LDAH: variants seen among roughly 807,000 people sequenced by gnomAD.
The protein encoded by LDAH is lipid droplet-associated hydrolase.
In LDAH, 26 loss-of-function variants were observed where a neutral mutation model predicts 29.6. That is an observed-to-expected ratio of 0.88 (90% CI 0.64 to 1.22). The LOEUF is 1.22. LDAH is among the 50% of genes most tolerant of loss of function. LDAH has a pLI of 0.00. For synonymous variants in LDAH, 117 were observed against 133.0 expected (o/e 0.88, Z 0.83); for missense variants, 344 against 387.3 (o/e 0.89, Z 0.94).
At chr2:20,811,720 G>A (rs1558502585) in intron 1 of LDAH, among the ~76,000 whole-genome samples, 1 of 152,070 alleles carries the variant, frequency 6.6e-6, no homozygotes, top group African/African-American at 2.4e-5. Flanking sequence ...TCCTGACCTC[G>A]TGATCCACCC....
intron 5 of LDAH, among the ~76,000 whole-genome samples, chr2:20,732,895 G>T (rs973520050): frequency 1.0e-5 from 1 of 100,458 alleles, no homozygotes; most frequent in African/African-American, 3.1e-5. Flanking sequence ...TAGAGACAGG[G>T]TCTCACTATG....
At chr2:20,764,405 A>G (rs1668890716) in intron 4 of LDAH, among the ~76,000 whole-genome samples, 1 of 152,216 alleles carries the variant, frequency 6.6e-6, no homozygotes, top group South Asian at 2.1e-4. Context: ...GTAACTGTCA[A>G]ACTACTATGC....
At chr2:20,746,136 A>AAT (rs1667554388) in intron 4 of LDAH, among the ~76,000 whole-genome samples, 1 of 152,246 alleles carries the variant, frequency 6.6e-6, no homozygotes, top group South Asian at 2.1e-4. Context: ...TGATTTAAAG[A>AAT]ATATAAATGA....
At position 20,684,830 on chromosome 2, in the gene LDAH, C is replaced by T. The variant is rs1180042004; in HGVS notation, c.*2073G>A. The T allele has an allele frequency of 6.5e-7, 1 of 1,531,698 alleles. No individual in the cohort carries two copies. Among genetic ancestry groups the T allele is most frequent in the East Asian group, 2.5e-5 (1 of 40,364 alleles). The allele number at this position is 1,531,698 out of a possible 1,614,324, so 94.9% of individuals were successfully genotyped here. ...CTGGGACATACAGGCAGAGCTGCTT[C>T]TGGAAAATGGATTTCTTCCACTGTT... On this transcript the variant is annotated 3_prime_UTR_variant, in exon 7 of 7. Transcript: ENST00000237822.
chr2:20,751,103 C>T (rs915711583), intron 4 of LDAH, among the ~76,000 whole-genome samples: 1 of 152,172 alleles, frequency 6.6e-6, no homozygotes, highest in African/African-American at 2.4e-5. Flanking sequence ...GCAATATTCC[C>T]GTTTGACAAA....
intron 1 of LDAH, 76 bp downstream of exon 1, chr2:20,822,961 G>T (rs1007872650): frequency 6.6e-6 from 1 of 152,388 alleles, no homozygotes; most frequent in East Asian, 1.9e-4. Flanking sequence ...GAGAAGAAGG[G>T]GCGCCAGATC....
chr2:20,731,385 C>T (rs908869914), intron 5 of LDAH, among the ~76,000 whole-genome samples: 1 of 152,194 alleles, frequency 6.6e-6, no homozygotes, highest in Non-Finnish European at 1.5e-5. Context: ...CCATGTTAGA[C>T]GCCTGCTCCC....
intron 1 of LDAH, among the ~76,000 whole-genome samples, chr2:20,811,742 C>T (rs1672518951): frequency 6.6e-6 from 1 of 152,116 alleles, no homozygotes; most frequent in Non-Finnish European, 1.5e-5. Context: ...TCTCGGCCTC[C>T]CAAAGTGCTG....
Position 20,739,822 on chromosome 2 carries a change from TTTTA to T in LDAH, c.703+145_703+148del, listed in dbSNP as rs1383993585. On this transcript the variant is annotated intron_variant, in intron 5 of 6. Coordinates refer to ENST00000237822, the MANE Select transcript of LDAH (RefSeq NM_021925.4). The stretch of plus-strand genomic sequence containing the variant: ...ATGAAAAAATTCATTCTATTTCTAA[TTTTA>T]TTTATTTCTAGTTTTAAACTTTTGG... The T allele has an allele frequency of 5.0e-6, 3 of 599,670 alleles. No homozygotes were observed. The African/African-American group carries it at 5.6e-5, about 11-fold the overall frequency. The allele number at this position is 599,670 out of a possible 1,614,324, so 37.1% of individuals were successfully genotyped here. A position where few individuals can be genotyped will look rare whatever the true frequency, so the allele number is the denominator to read the frequency against.
chr2:20,748,560 C>T (rs1306081702), intron 4 of LDAH, among the ~76,000 whole-genome samples: 1 of 152,190 alleles, frequency 6.6e-6, no homozygotes. Context: ...GATTTAGAAT[C>T]ACTGACAGCT....
At chr2:20,717,878 C>A (rs1161061673) in intron 5 of LDAH, among the ~76,000 whole-genome samples, 1 of 152,162 alleles carries the variant, frequency 6.6e-6, no homozygotes, top group Admixed American at 6.5e-5. Flanking sequence ...CCTTGACCTG[C>A]TGGGCTCTAG....
chr2:20,694,666 C>T (rs1457522096), intron 6 of LDAH, among the ~76,000 whole-genome samples: 1 of 152,204 alleles, frequency 6.6e-6, no homozygotes, highest in Admixed American at 6.5e-5. Context: ...GCTTCCCGCC[C>T]GTGAACCCTG....
intron 5 of LDAH, among the ~76,000 whole-genome samples, chr2:20,710,825 T>TTG (rs1373195120): frequency 6.6e-6 from 1 of 151,458 alleles, no homozygotes; most frequent in African/African-American, 2.4e-5. Context: ...AAAAGACAGT[T>TTG]TGTGGTAAGC....
intron 2 of LDAH, among the ~76,000 whole-genome samples, chr2:20,800,639 T>TTTTTTG (rs1558491335): frequency 3.3e-5 from 5 of 151,170 alleles, no homozygotes; most frequent in Admixed American, 6.6e-5. Context: ...TTTATTTTTT[T>TTTTTTG]AAATATTTTT....
intron 4 of LDAH, among the ~76,000 whole-genome samples, chr2:20,769,317 A>G (rs1669253022): frequency 6.6e-6 from 1 of 152,188 alleles, no homozygotes; most frequent in Admixed American, 6.5e-5. Context: ...GTACTGCCTC[A>G]TTTTGCCTTC....
At chr2:20,722,621 T>C (rs951979003) in intron 5 of LDAH, among the ~76,000 whole-genome samples, 11 of 152,102 alleles carry the variant, frequency 7.2e-5, no homozygotes, top group Middle Eastern at 3.2e-3. Context: ...CAAAGATAAA[T>C]ATTTGAAGAG....
chr2:20,762,253 G>A (rs1668738107), intron 4 of LDAH, among the ~76,000 whole-genome samples: 1 of 151,590 alleles, frequency 6.6e-6, no homozygotes, highest in Admixed American at 6.6e-5. Context: ...ATCTTTGTCT[G>A]TTTTCTTAAT....
chr2:20,685,752 G>T lies in LDAH; in HGVS notation c.*1151C>A, dbSNP rs1662514948. The T allele has an allele frequency of 7.0e-7, 1 of 1,431,766 alleles. No homozygotes were observed. Among genetic ancestry groups the T allele is most frequent in the Non-Finnish European group, 9.3e-7 (1 of 1,072,150 alleles). 88.7% of individuals were successfully genotyped at this position (1,431,766 alleles called of 1,614,324 possible). ...TCAATTTAGGGGAGGCAGCAATATT[G>T]TCAGCCCACTCTAGGCCAGGGAATA... On this transcript the variant is annotated 3_prime_UTR_variant, in exon 7 of 7. Transcript: ENST00000237822.
intron 4 of LDAH, among the ~76,000 whole-genome samples, chr2:20,749,529 A>G (rs1667809850): frequency 6.6e-6 from 1 of 152,200 alleles, no homozygotes; most frequent in Non-Finnish European, 1.5e-5. Context: ...CCATAGCCAG[A>G]GGCATGTATA....
Sources: gnomAD v4.1 joint callset for allele counts (sites outside exome capture counted in the v4.1 genomes callset) on GRCh38, gnomAD v4.1.1 for gene constraint, MANE v1.5 for transcripts, NCBI Gene and HGNC (gene_info 2026-07-23, HGNC 2026-07-21) for gene names.